The following KCNH8 variants were observed in gnomAD, a reference collection of about 807,000 sequenced individuals.
KCNH8 encodes voltage-gated delayed rectifier potassium channel KCNH8.
KCNH8 carries 70 observed loss-of-function variants against 103.6 expected under a neutral mutation model. The observed-to-expected ratio is 0.68, with a 90% CI of 0.56 to 0.82. The LOEUF is 0.82. Among genes scored for constraint, KCNH8 ranks in the 40% least tolerant of loss-of-function variants. KCNH8 has a pLI of 0.00. For synonymous variants in KCNH8, 498 were observed against 489.4 expected (o/e 1.02, Z -0.23); for missense variants, 1,217 against 1,329.9 (o/e 0.92, Z 1.32).
intron 15 of KCNH8, among the ~76,000 whole-genome samples, chr3:19,530,499 T>G (rs1378197888): frequency 2.0e-5 from 3 of 152,324 alleles, no homozygotes; most frequent in African/African-American, 7.2e-5. Context: ...CTGTTTATTT[T>G]GAAAACTAGA....
Position 19,362,705 on chromosome 3 carries a change from G to A in KCNH8, c.811+14740G>A, listed in dbSNP as rs566825647. 1.4e-3 allele frequency among the ~76,000 whole-genome samples: 214 copies of A among 152,214 alleles called. 1 individual carries two copies. Among genetic ancestry groups the A allele is most frequent in the African/African-American group, 4.8e-3 (201 of 41,560 alleles). On this transcript the variant is annotated intron_variant, in intron 5 of 15. Transcript: ENST00000328405. ...TTGAGACAAGGTCTCACTCTGTCATGCAGGCTGGAGTGCAGTGGCACAATC... is the reference window on the plus strand; with the variant it reads ...TTGAGACAAGGTCTCACTCTGTCATACAGGCTGGAGTGCAGTGGCACAATC...
At chr3:19,448,330 T>C (rs1575077709) in intron 8 of KCNH8, among the ~76,000 whole-genome samples, 1 of 152,152 alleles carries the variant, frequency 6.6e-6, no homozygotes, top group Admixed American at 6.6e-5. Context: ...TGTCTGATTC[T>C]GAAGTTCATC....
chr3:19,214,651 G>A (rs75871539), intron 1 of KCNH8, among the ~76,000 whole-genome samples: 2,325 of 152,242 alleles, frequency 0.015, 60 homozygotes, highest in African/African-American at 0.051. Flanking sequence ...ATTCTCTTAT[G>A]TGTCTTTCCT....
chr3:19,370,010 C>G (rs950166011), intron 5 of KCNH8, among the ~76,000 whole-genome samples: 14 of 151,988 alleles, frequency 9.2e-5, no homozygotes, highest in African/African-American at 3.1e-4. Flanking sequence ...CATGTCATGT[C>G]TCTGCTTAAA....
Position 19,270,513 on chromosome 3 carries a change from A to T in KCNH8, c.311-10685A>T, listed in dbSNP as rs117734390. ...TGGTGAGTAACGCAAGGATAAGCTT[A>T]TTGGTGCTGATACCTCACCTGAGTA... On this transcript the variant is annotated intron_variant, in intron 2 of 15. Transcript: ENST00000328405. Among the ~76,000 whole-genome samples, 3 of 152,270 alleles carry T rather than the reference A, an allele frequency of 2.0e-5. No homozygotes were observed. In the East Asian group the frequency reaches 5.8e-4, roughly 29 times the overall value.
chr3:19,419,195 G>GTTTTTTTTTTTT lies in KCNH8; in HGVS notation c.1178-18958_1178-18947dup, dbSNP rs1559318835. On this transcript the variant is annotated intron_variant, in intron 7 of 15. Coordinates refer to ENST00000328405, the MANE Select transcript of KCNH8 (RefSeq NM_144633.3). ...AAAAGAAGTAATTAAAATGGTTTTG[G>GTTTTTTTTTTTT]TTTTTTTTTTTTTTTTTTTTTTGAG... 1.3e-4 allele frequency among the ~76,000 whole-genome samples: 17 copies of GTTTTTTTTTTTT among 128,716 alleles called. 1 individual carries two copies. The highest frequency in any genetic ancestry group is 5.0e-4 in the African/African-American group (17 of 34,240). 84.4% of individuals were successfully genotyped at this position (128,716 alleles called of 152,430 possible).
intron 5 of KCNH8, 66 bp from the exon 6 acceptor site, chr3:19,390,415 C>T (rs2125130657): frequency 5.6e-5 from 66 of 1,186,042 alleles, no homozygotes; most frequent in South Asian, 2.7e-4. Flanking sequence ...TTTCATTGTC[C>T]TTCCTACCTT....
intron 2 of KCNH8, among the ~76,000 whole-genome samples, chr3:19,255,596 C>T (rs556100637): frequency 2.0e-5 from 3 of 152,140 alleles, no homozygotes; most frequent in Admixed American, 6.6e-5. Flanking sequence ...CCATGGCACA[C>T]GTTTACCTGT....
At chr3:19,375,525 T>C (rs1162114957) in intron 5 of KCNH8, among the ~76,000 whole-genome samples, 2 of 149,672 alleles carry the variant, frequency 1.3e-5, no homozygotes, top group Non-Finnish European at 3.0e-5. Flanking sequence ...TTTTCAAAGT[T>C]TTCAACTTCT....
chr3:19,182,169 A>C (rs758936541), intron 1 of KCNH8, among the ~76,000 whole-genome samples: 1 of 152,186 alleles, frequency 6.6e-6, no homozygotes, highest in African/African-American at 2.4e-5. Context: ...CTGCTTCGCT[A>C]TCCCTTGAAT....
intron 1 of KCNH8, among the ~76,000 whole-genome samples, chr3:19,209,933 G>T (rs1308426781): frequency 6.6e-6 from 1 of 151,920 alleles, no homozygotes; most frequent in African/African-American, 2.4e-5. Context: ...GATTTTTTTG[G>T]GGGCGGAAAT....
At chr3:19,522,746 C>T (rs2068993929) in intron 15 of KCNH8, among the ~76,000 whole-genome samples, 1 of 151,796 alleles carries the variant, frequency 6.6e-6, no homozygotes, top group African/African-American at 2.4e-5. Flanking sequence ...AATGTCTAAA[C>T]TGCTTTGATG....
chr3:19,302,454 A>T (rs564871447), intron 3 of KCNH8, among the ~76,000 whole-genome samples: 5 of 152,300 alleles, frequency 3.3e-5, no homozygotes, highest in African/African-American at 1.2e-4. Flanking sequence ...CTTCTAGGAA[A>T]TTCTTTAAAG....
chr3:19,162,358 CAA>C (rs1170369183), intron 1 of KCNH8, among the ~76,000 whole-genome samples: 16 of 75,764 alleles, frequency 2.1e-4, no homozygotes, highest in East Asian at 3.7e-4. Context: ...ACTAAAAATA[CAA>C]AAAAAAAAAA....
intron 1 of KCNH8, among the ~76,000 whole-genome samples, chr3:19,226,619 G>C (rs866481020): frequency 2.9e-5 from 4 of 135,948 alleles, no homozygotes; most frequent in Non-Finnish European, 5.9e-5. Context: ...ACACACACAT[G>C]CATGCACACA....
intron 1 of KCNH8, among the ~76,000 whole-genome samples, chr3:19,194,301 A>G (rs1477489278): frequency 6.6e-6 from 1 of 151,494 alleles, no homozygotes; most frequent in African/African-American, 2.4e-5. Context: ...TGGTATTGTT[A>G]TCTTCATCAT....
intron 11 of KCNH8, among the ~76,000 whole-genome samples, chr3:19,493,510 CT>C (rs1488374310): frequency 3.9e-5 from 6 of 152,146 alleles, no homozygotes; most frequent in African/African-American, 1.4e-4. Flanking sequence ...CAAGATGTGC[CT>C]GCTTCCCCTT....
intron 7 of KCNH8, among the ~76,000 whole-genome samples, chr3:19,426,444 G>C: frequency 6.6e-6 from 1 of 151,602 alleles, no homozygotes; most frequent in Non-Finnish European, 1.5e-5. Context: ...GGCTTGTATG[G>C]TTTTGATATC....
At position 19,501,748 on chromosome 3, in the gene KCNH8, A is replaced by G. The variant is rs529402766; in HGVS notation, c.2041-8615A>G. ...ACAACCTTCATGCTAAAAACTCTCA[A>G]TAAATTAGGTATTGATGTGACGTAT... is the stretch of plus-strand genomic sequence containing the variant. On this transcript the variant is annotated intron_variant, in intron 11 of 15. Coordinates refer to ENST00000328405, the MANE Select transcript of KCNH8 (RefSeq NM_144633.3). Among the ~76,000 whole-genome samples, 276 of 152,346 alleles carry G rather than the reference A, an allele frequency of 1.8e-3. 1 individual carries two copies. The highest frequency in any genetic ancestry group is 6.3e-3 in the African/African-American group (262 of 41,566).
Sources: allele counts gnomAD v4.1 joint callset (sites outside exome capture counted in the v4.1 genomes callset), GRCh38; gene constraint gnomAD v4.1.1; transcripts MANE v1.5; gene names NCBI Gene and HGNC (gene_info 2026-07-23, HGNC 2026-07-21).